The following CTNND2 variants were observed in gnomAD, a reference collection of about 807,000 sequenced individuals.
CTNND2 encodes the protein catenin delta 2.
In CTNND2, 22 loss-of-function variants were observed where a neutral mutation model predicts 144.4. That is an observed-to-expected ratio of 0.15 (90% CI 0.11 to 0.22). The LOEUF is 0.22. Among genes scored for constraint, CTNND2 ranks in the 10% least tolerant of loss-of-function variants. The pLI is 1.00. For synonymous variants in CTNND2, 751 were observed against 695.6 expected (o/e 1.08, Z -1.25); for missense variants, 1,353 against 1,618.8 (o/e 0.84, Z 2.82).
chr5:11,168,010 C>A (rs1223846328), intron 11 of CTNND2, among the ~76,000 whole-genome samples: 1 of 151,888 alleles, frequency 6.6e-6, no homozygotes, highest in Admixed American at 6.6e-5. Flanking sequence ...CTGACCCTCA[C>A]CTAAATTTTT....
intron 16 of CTNND2, among the ~76,000 whole-genome samples, chr5:11,044,578 C>T (rs539041512): frequency 1.3e-5 from 2 of 149,126 alleles, no homozygotes; most frequent in Non-Finnish European, 3.0e-5. Flanking sequence ...GGGTTGTTGG[C>T]TTCTTTTTAA....
chr5:11,282,509 G>A (rs145200797), intron 9 of CTNND2, among the ~76,000 whole-genome samples: 2 of 152,072 alleles, frequency 1.3e-5, no homozygotes, highest in African/African-American at 2.4e-5. Context: ...AAAGATGAAC[G>A]CTACAGCCTC....
intron 18 of CTNND2, among the ~76,000 whole-genome samples, chr5:10,994,681 G>A (rs1739151650): frequency 6.6e-6 from 1 of 152,076 alleles, no homozygotes; most frequent in African/African-American, 2.4e-5. Flanking sequence ...GGTGGGAACG[G>A]CTTCGCTGGT....
At chr5:11,716,663 A>G (rs1786367992) in intron 2 of CTNND2, among the ~76,000 whole-genome samples, 2 of 151,650 alleles carry the variant, frequency 1.3e-5, no homozygotes, top group African/African-American at 4.9e-5. Flanking sequence ...TAGTCTTTTT[A>G]TTTACTTATT....
intron 3 of CTNND2, among the ~76,000 whole-genome samples, chr5:11,520,093 G>C (rs1772582580): frequency 1.3e-5 from 2 of 148,740 alleles, no homozygotes; most frequent in African/African-American, 2.5e-5. Flanking sequence ...GTTGCAATGA[G>C]CCGAGATCAC....
At chr5:10,992,294 C>G (rs929026598) in intron 19 of CTNND2, among the ~76,000 whole-genome samples, 2 of 152,212 alleles carry the variant, frequency 1.3e-5, no homozygotes, top group African/African-American at 2.4e-5. Context: ...TTTCTTTATA[C>G]TCGTTCCTCC....
At chr5:11,082,982 T>A in intron 15 of CTNND2, 136 bp from the exon 16 acceptor site, 1 of 954,086 alleles carries the variant, frequency 1.0e-6, no homozygotes. Flanking sequence ...TAGAATGGGT[T>A]GAATACGTTA....
intron 16 of CTNND2, among the ~76,000 whole-genome samples, chr5:11,023,807 A>C (rs746381838): frequency 1.3e-5 from 2 of 152,246 alleles, no homozygotes; most frequent in African/African-American, 4.8e-5. Flanking sequence ...TTTATGGAGT[A>C]CTTTTAGTTT....
intron 12 of CTNND2, among the ~76,000 whole-genome samples, chr5:11,141,599 G>T (rs1756727575): frequency 6.6e-6 from 1 of 152,138 alleles, no homozygotes; most frequent in South Asian, 2.1e-4. Flanking sequence ...GCTGTGAGAA[G>T]AACAGGCAGC....
chr5:11,154,201 C>T (rs369234373), intron 12 of CTNND2, among the ~76,000 whole-genome samples: 3 of 152,148 alleles, frequency 2.0e-5, no homozygotes, highest in Admixed American at 6.5e-5. Flanking sequence ...TCTGGCTGTC[C>T]ATAGTGTCAG....
At chr5:11,128,912 TATAATATATAATAC>T (rs1291975326) in intron 12 of CTNND2, among the ~76,000 whole-genome samples, 5 of 59,858 alleles carry the variant, frequency 8.4e-5, no homozygotes, top group Non-Finnish European at 1.6e-4. Context: ...TATAAATATA[TATAATATATAATAC>T]ATAAATATAT....
At chr5:10,994,846 A>G (rs1480356069) in intron 18 of CTNND2, among the ~76,000 whole-genome samples, 6 of 152,082 alleles carry the variant, frequency 3.9e-5, no homozygotes, top group Non-Finnish European at 7.4e-5. Context: ...CCAGGCTTGA[A>G]GGGTGCTGGT....
intron 1 of CTNND2, among the ~76,000 whole-genome samples, chr5:11,751,005 C>T (rs1788580940): frequency 6.6e-6 from 1 of 151,758 alleles, no homozygotes; most frequent in African/African-American, 2.4e-5. Context: ...TTCATAGACA[C>T]TCACCTGTCC....
chr5:11,274,478 T>A (rs1018348656), intron 9 of CTNND2, among the ~76,000 whole-genome samples: 2 of 150,804 alleles, frequency 1.3e-5, no homozygotes, highest in Non-Finnish European at 3.0e-5. Context: ...AAGCCCAAGA[T>A]AGAAAAAAAA....
At chr5:10,989,823 C>A (rs556465551) in intron 19 of CTNND2, among the ~76,000 whole-genome samples, 1 of 152,282 alleles carries the variant, frequency 6.6e-6, no homozygotes, top group East Asian at 1.9e-4. Context: ...CAGAAGTGCC[C>A]AACAGACGTT....
At chr5:11,645,274 T>C (rs565574051) in intron 2 of CTNND2, among the ~76,000 whole-genome samples, 1 of 152,288 alleles carries the variant, frequency 6.6e-6, no homozygotes, top group Admixed American at 6.5e-5. Flanking sequence ...GTCTAATTTT[T>C]TGATATACAA....
intron 2 of CTNND2, among the ~76,000 whole-genome samples, chr5:11,642,988 G>A (rs1782146888): frequency 6.6e-6 from 1 of 152,152 alleles, no homozygotes; most frequent in Admixed American, 6.5e-5. Context: ...TGCGAGTGCT[G>A]TCTGTGTCTC....
intron 13 of CTNND2, among the ~76,000 whole-genome samples, chr5:11,115,256 T>C (rs539857952): frequency 6.6e-6 from 1 of 152,242 alleles, no homozygotes; most frequent in African/African-American, 2.4e-5. Flanking sequence ...AAAGAAGATG[T>C]TTGTGCCATG....
At chr5:11,207,611 C>T (rs1248592301) in intron 10 of CTNND2, among the ~76,000 whole-genome samples, 1 of 152,072 alleles carries the variant, frequency 6.6e-6, no homozygotes, top group Admixed American at 6.6e-5. Context: ...CAGCTCTCAT[C>T]CTCCCCACCT....
Sources: allele counts gnomAD v4.1 joint callset (sites outside exome capture counted in the v4.1 genomes callset), GRCh38; gene constraint gnomAD v4.1.1; transcripts MANE v1.5; gene names NCBI Gene and HGNC (gene_info 2026-07-23, HGNC 2026-07-21).